CKMT1A: variants seen among roughly 807,000 people sequenced by gnomAD.
The protein encoded by CKMT1A is creatine kinase U-type, mitochondrial.
CKMT1A carries 23 observed loss-of-function variants against 21.8 expected under a neutral mutation model. The ratio of observed to expected loss-of-function variants is 1.05; its 90% CI spans 0.76 to 1.49. The LOEUF is 1.49. CKMT1A is among the 40% of genes most tolerant of loss of function. CKMT1A has a pLI of 0.00. For missense variants in CKMT1A, 154 were observed against 229.4 expected, an observed-to-expected ratio of 0.67 and a Z score of 2.12; for synonymous variants, 67 against 80.4, an observed-to-expected ratio of 0.83 and a Z score of 0.89.
At chr15:43,698,610 A>G (rs1220933179) in intron 7 of CKMT1A, 31 bp from the exon 8 acceptor site, 6 of 1,605,340 alleles carry the variant, frequency 3.7e-6, no homozygotes, top group Non-Finnish European at 4.3e-6. Flanking sequence ...GCCTCTATTG[A>G]CCCTGCTCCC....
In CKMT1A at chr15:43,698,750, G is replaced by C. The variant is rs527344657; in HGVS notation, c.1121G>C (p.Arg374Pro). Residue 374 changes from arginine to proline, a missense_variant, in exon 8 of 9, where the codon CGA becomes CCA. Physicochemically the swap from Arg to Pro is moderately radical, Grantham distance 103. Transcript: ENST00000413453. ...GGVFDISNLD[R>P]LGKSEVELVQ... is the part of the protein sequence containing the mutation. ...GTCTTTGATATTTCTAATTTGGACC[G>C]ACTAGGCAAATCAGAGGTGAGATCC... The C allele has an allele frequency of 1.9e-6, 3 of 1,613,696 alleles. No individual in the cohort carries two copies. In the East Asian group the frequency reaches 6.7e-5, roughly 36 times the overall value.
rs200864718 is a variant in CKMT1A at position 43,696,188 on chromosome 15, C to A, written c.753-52C>A. The A allele has an allele frequency of 1.6e-3, 2,301 of 1,427,862 alleles. 103 individuals carry two copies. In the African/African-American group the frequency reaches 0.027, roughly 16 times the overall value. The allele number at this position is 1,427,862 out of a possible 1,614,324, so 88.4% of individuals were successfully genotyped here. On this transcript the variant is annotated intron_variant, in intron 5 of 8. Coordinates refer to ENST00000413453, the MANE Select transcript of CKMT1A (RefSeq NM_001321926.2). Reference sequence around the variant, plus strand: ...TCATAAATGCTTTTTTTCCCTCTATCTCTCCCAATTCTTGCCTTGCCTCTT... The same window carrying A: ...TCATAAATGCTTTTTTTCCCTCTATATCTCCCAATTCTTGCCTTGCCTCTT...
At chr15:43,697,333 G>A (rs1010117121) in intron 6 of CKMT1A, 27 of 1,258,090 alleles carry the variant, frequency 2.1e-5, no homozygotes, top group Middle Eastern at 2.2e-4. Context: ...AGATATCCCT[G>A]GTGGCATGGT....
chr15:43,696,288 T>C lies in CKMT1A; in HGVS notation c.801T>C (p.His267=), dbSNP rs762222587. The C allele has an allele frequency of 8.1e-6, 13 of 1,600,616 alleles. No individual in the cohort carries two copies. The highest frequency in any genetic ancestry group is 1.4e-5 in the African/African-American group (1 of 71,186). The change falls in exon 6 of 9, where the codon CAT becomes CAC. Residue 267 remains histidine (H), a synonymous_variant. Coordinates refer to ENST00000413453, the MANE Select transcript of CKMT1A (RefSeq NM_001321926.2). ...SFLIWVNEED[H]TRVISMEKGG... ...TGATCTGGGTGAATGAGGAGGATCA[T>C]ACACGGGTGATCTCCATGGAGAAGG...
At chr15:43,698,303 C>T (rs1242873955) in intron 7 of CKMT1A, among the ~76,000 whole-genome samples, 155 bp downstream of exon 7, 3 of 151,836 alleles carry the variant, frequency 2.0e-5, no homozygotes, top group African/African-American at 4.8e-5. Context: ...AATCCCAACA[C>T]TTGGGAGGCC....
chr15:43,697,710 G>C, intron 6 of CKMT1A: 6 of 984,618 alleles, frequency 6.1e-6, no homozygotes, highest in Non-Finnish European at 7.2e-6. Context: ...TCCTCTCTCA[G>C]TTCAGTTTAC....
Position 43,698,731 on chromosome 15 carries a change from G to C in CKMT1A, c.1102G>C (p.Asp368His). 6.2e-7 allele frequency: 1 copy of C among 1,613,642 alleles called. No individual in the cohort carries two copies. Among genetic ancestry groups the C allele is most frequent in the Non-Finnish European group, 8.5e-7 (1 of 1,179,852 alleles). The change falls in exon 8 of 9, where the codon GAT becomes CAT. Residue 368 changes from aspartate to histidine, a missense_variant. Asp to His is a moderately conservative substitution (Grantham distance 81). Transcript: ENST00000413453. Reference sequence around the variant, plus strand: ...CACTGCTGCCACAGGCGGTGTCTTTGATATTTCTAATTTGGACCGACTAGG... The same window carrying C: ...CACTGCTGCCACAGGCGGTGTCTTTCATATTTCTAATTTGGACCGACTAGG... ...VDTAATGGVF[D>H]ISNLDRLGKS...
chr15:43,696,388 C>G, intron 6 of CKMT1A, 25 bp downstream of exon 6: 1 of 1,610,868 alleles, frequency 6.2e-7, no homozygotes. Flanking sequence ...TGTAGGGGAG[C>G]TAGGTGGGAG....
At position 43,698,990 on chromosome 15, in the gene CKMT1A, G is replaced by T; in HGVS notation, c.1155G>T (p.Leu385=). The T allele has an allele frequency of 6.2e-7, 1 of 1,613,546 alleles. No individual in the cohort carries two copies. The part of the protein sequence containing the change: ...LGKSEVELVQ[L]VIDGVNYLID... Reference sequence around the variant, plus strand: ...TCCTTCAGGTGGAGCTGGTGCAACTGGTCATCGATGGAGTAAACTATTTGA... The same window carrying T: ...TCCTTCAGGTGGAGCTGGTGCAACTTGTCATCGATGGAGTAAACTATTTGA... The change falls in exon 9 of 9, where the codon CTG becomes CTT. Residue 385 remains leucine (L), a synonymous_variant. Coordinates refer to ENST00000413453, the MANE Select transcript of CKMT1A (RefSeq NM_001321926.2).
Position 43,696,327 on chromosome 15 carries a change from G to A in CKMT1A, c.840G>A (p.Lys280=), listed in dbSNP as rs145266097. 25,492 of 1,609,762 alleles carry A rather than the reference G, an allele frequency of 0.016. 759 individuals are homozygous for A. The highest frequency in any genetic ancestry group is 0.018 in the Non-Finnish European group (21,022 of 1,178,634). The part of the protein sequence containing the change: ...VISMEKGGNM[K]RVFERFCRGL... ...CCATGGAGAAGGGTGGTAACATGAA[G>A]AGAGTGTTTGAAAGATTCTGCCGAG... Residue 280 remains lysine (K), a synonymous_variant, in exon 6 of 9, where the codon AAG becomes AAA. Coordinates refer to ENST00000413453, the MANE Select transcript of CKMT1A (RefSeq NM_001321926.2).
intron 6 of CKMT1A, chr15:43,697,424 C>T: frequency 4.1e-6 from 4 of 985,028 alleles, no homozygotes; most frequent in East Asian, 2.3e-4. Flanking sequence ...GATCCCTTGT[C>T]TCTTGAACTC....
At chr15:43,697,332 T>C (rs2927085) in intron 6 of CKMT1A, 413,327 of 1,259,404 alleles carry the variant, frequency 0.33, 77,759 homozygotes, top group African/African-American at 0.78. Flanking sequence ...AAGATATCCC[T>C]GGTGGCATGG....
At chr15:43,697,417 C>T (rs1223264822) in intron 6 of CKMT1A, 2 of 985,004 alleles carry the variant, frequency 2.0e-6, no homozygotes, top group Non-Finnish European at 2.4e-6. Context: ...TCTGCTAGAT[C>T]CCTTGTCTCT....
intron 6 of CKMT1A, chr15:43,696,767 A>G (rs2086453367): frequency 4.4e-6 from 1 of 228,904 alleles, no homozygotes. Flanking sequence ...CAGTTCTGAG[A>G]CAAGGTAGGC....
chr15:43,697,653 A>T (rs1278758264), intron 6 of CKMT1A: 1 of 984,944 alleles, frequency 1.0e-6, no homozygotes, highest in Non-Finnish European at 1.2e-6. Context: ...TAGGCTCATT[A>T]GCAAAGCAAA....
chr15:43,698,619 C>A, intron 7 of CKMT1A, 22 bp from the exon 8 acceptor site: 1 of 1,609,092 alleles, frequency 6.2e-7, no homozygotes, highest in Non-Finnish European at 8.5e-7. Context: ...GACCCTGCTC[C>A]CAATCCCTAT....
intron 6 of CKMT1A, 67 bp from the exon 7 acceptor site, chr15:43,697,947 C>G (rs113706255): frequency 6.2e-7 from 1 of 1,602,898 alleles, no homozygotes; most frequent in African/African-American, 1.3e-5. Context: ...GTGGGTCTAG[C>G]TAAGGGAGGG....
chr15:43,696,498 T>G (rs2411268), intron 6 of CKMT1A, 135 bp downstream of exon 6: 3 of 1,406,430 alleles, frequency 2.1e-6, no homozygotes, highest in East Asian at 2.3e-5. Flanking sequence ...GGACTCACTC[T>G]AGGACTAAAG....
Position 43,696,257 on chromosome 15 carries a change from G to A in CKMT1A, c.770G>A (p.Ser257Asn). The A allele has an allele frequency of 1.3e-6, 2 of 1,588,764 alleles. No homozygotes were observed. Among genetic ancestry groups the A allele is most frequent in the Non-Finnish European group, 8.6e-7 (1 of 1,165,568 alleles). The change falls in exon 6 of 9, where the codon AGC becomes AAC. Residue 257 changes from serine to asparagine, a missense_variant. Ser to Asn is a conservative substitution (Grantham distance 46). Coordinates refer to ENST00000413453, the MANE Select transcript of CKMT1A (RefSeq NM_001321926.2). Reference sequence around the variant, plus strand: ...GCCCTCAGGCACAACAATGAGAAGAGCTTCCTGATCTGGGTGAATGAGGAG... The same window carrying A: ...GCCCTCAGGCACAACAATGAGAAGAACTTCCTGATCTGGGTGAATGAGGAG... The part of the protein sequence containing the change: ...ARGIWHNNEK[S>N]FLIWVNEEDH...
Sources: gnomAD v4.1 joint callset for allele counts (sites outside exome capture counted in the v4.1 genomes callset) on GRCh38, gnomAD v4.1.1 for gene constraint, MANE v1.5 for transcripts, NCBI Gene and HGNC (gene_info 2026-07-23, HGNC 2026-07-21) for gene names.